The following GRIN2A variants were observed in gnomAD, a reference collection of about 807,000 sequenced individuals.
The protein encoded by GRIN2A is glutamate receptor ionotropic, NMDA 2A.
GRIN2A carries 22 observed loss-of-function variants against 113.4 expected under a neutral mutation model. That is an observed-to-expected ratio of 0.19 (90% CI 0.14 to 0.28). The LOEUF is 0.28. GRIN2A is among the 10% of genes least tolerant of loss of function. The pLI is 1.00. For missense variants in GRIN2A, 1,502 were observed against 1,887.0 expected (o/e 0.80, Z 3.78); for synonymous variants, 827 against 738.4 (o/e 1.12, Z -1.94).
chr16:9,944,766 A>T (rs1178604522), intron 2 of GRIN2A, among the ~76,000 whole-genome samples: 1 of 152,108 alleles, frequency 6.6e-6, no homozygotes, highest in Non-Finnish European at 1.5e-5. Flanking sequence ...CATCCCCCCT[A>T]GAGTGCAAGA....
In GRIN2A at chr16:9,763,734, G is replaced by A. The variant is rs2141129394; in HGVS notation, c.3810C>T (p.Asp1270=). The A allele has an allele frequency of 6.2e-7, 1 of 1,614,144 alleles. No individual in the cohort carries two copies. Among genetic ancestry groups the A allele is most frequent in the Non-Finnish European group, 8.5e-7 (1 of 1,179,998 alleles). The change falls in exon 13 of 13, where the codon GAC becomes GAT. Residue 1270 remains aspartate (D), a synonymous_variant. Coordinates refer to ENST00000330684, the MANE Select transcript of GRIN2A (RefSeq NM_001134407.3). ...PATGEQVYQQ[D]WAQNNALQLQ... ...ATTGAAGGGCATTGTTCTGTGCCCA[G>A]TCCTGCTGGTAGACCTGCTCCCCGG...
intron 2 of GRIN2A, among the ~76,000 whole-genome samples, chr16:10,100,011 A>C (rs923966834): frequency 6.6e-6 from 1 of 152,234 alleles, no homozygotes; most frequent in South Asian, 2.1e-4. Context: ...ATTTAAGTAC[A>C]TGAAAACAAT....
chr16:9,779,102 C>T (rs1445000542), intron 11 of GRIN2A, among the ~76,000 whole-genome samples: 3 of 152,154 alleles, frequency 2.0e-5, no homozygotes, highest in Non-Finnish European at 4.4e-5. Flanking sequence ...GAATAGCGTG[C>T]GGGTCACTTT....
At chr16:10,109,803 T>C (rs925561912) in intron 2 of GRIN2A, among the ~76,000 whole-genome samples, 1 of 152,168 alleles carries the variant, frequency 6.6e-6, no homozygotes, top group Non-Finnish European at 1.5e-5. Context: ...TTTTCCATGA[T>C]GTGATTATTT....
At chr16:10,024,528 A>G (rs2046785022) in intron 2 of GRIN2A, among the ~76,000 whole-genome samples, 1 of 152,218 alleles carries the variant, frequency 6.6e-6, no homozygotes. Context: ...AATGTCACGC[A>G]CAGTTTTAAG....
chr16:10,090,872 A>C (rs1299918113), intron 2 of GRIN2A, among the ~76,000 whole-genome samples: 3 of 152,206 alleles, frequency 2.0e-5, no homozygotes, highest in African/African-American at 7.2e-5. Context: ...AGATGAGCTA[A>C]AAAACTCTAT....
At chr16:10,107,927 G>A (rs2048529550) in intron 2 of GRIN2A, among the ~76,000 whole-genome samples, 1 of 152,208 alleles carries the variant, frequency 6.6e-6, no homozygotes, top group South Asian at 2.1e-4. Flanking sequence ...CTTACCCTCT[G>A]GTGGGGAGAG....
chr16:10,098,679 C>T (rs1293331590), intron 2 of GRIN2A, among the ~76,000 whole-genome samples: 1 of 152,100 alleles, frequency 6.6e-6, no homozygotes, highest in Non-Finnish European at 1.5e-5. Context: ...GAACTGAAGA[C>T]TATTATTCTA....
chr16:10,048,517 C>T (rs184836750), intron 2 of GRIN2A, among the ~76,000 whole-genome samples: 2 of 152,328 alleles, frequency 1.3e-5, no homozygotes, highest in East Asian at 3.9e-4. Context: ...GACATGTTGC[C>T]TGCAAACTGC....
At chr16:10,086,081 C>G (rs1362329269) in intron 2 of GRIN2A, among the ~76,000 whole-genome samples, 1 of 152,176 alleles carries the variant, frequency 6.6e-6, no homozygotes, top group East Asian at 1.9e-4. Flanking sequence ...ATGTCCTGCA[C>G]ACAGTAGGCA....
intron 2 of GRIN2A, among the ~76,000 whole-genome samples, chr16:9,950,384 T>A (rs2045149178): frequency 6.6e-6 from 1 of 152,090 alleles, no homozygotes; most frequent in Non-Finnish European, 1.5e-5. Flanking sequence ...TCATGGTTAC[T>A]TGAGGCCCTA....
At chr16:9,913,515 TTAA>T (rs946430790) in intron 3 of GRIN2A, among the ~76,000 whole-genome samples, 2 of 152,300 alleles carry the variant, frequency 1.3e-5, no homozygotes, top group African/African-American at 4.8e-5. Context: ...ATAGAAATAA[TTAA>T]TAATAATATT....
chr16:9,920,555 A>G (rs1412432186), intron 3 of GRIN2A, among the ~76,000 whole-genome samples: 2 of 147,440 alleles, frequency 1.4e-5, no homozygotes, highest in Non-Finnish European at 3.0e-5. Flanking sequence ...CCCTGCATAT[A>G]TGTGAATTGA....
intron 3 of GRIN2A, among the ~76,000 whole-genome samples, chr16:9,926,250 T>A (rs1335729575): frequency 2.6e-5 from 4 of 152,192 alleles, no homozygotes; most frequent in Non-Finnish European, 5.9e-5. Context: ...CATGAAATGA[T>A]CACTTAGTCG....
intron 2 of GRIN2A, among the ~76,000 whole-genome samples, chr16:10,155,051 G>T (rs2049660992): frequency 6.6e-6 from 1 of 152,144 alleles, no homozygotes; most frequent in Non-Finnish European, 1.5e-5. Context: ...CATGTGCATT[G>T]TAAATATCTG....
chr16:10,007,986 A>G (rs2046435099), intron 2 of GRIN2A, among the ~76,000 whole-genome samples: 1 of 152,170 alleles, frequency 6.6e-6, no homozygotes, highest in South Asian at 2.1e-4. Context: ...AGATACAAGT[A>G]GTATTCTTTT....
intron 2 of GRIN2A, among the ~76,000 whole-genome samples, chr16:10,167,853 T>C (rs1204568419): frequency 6.6e-6 from 1 of 152,128 alleles, no homozygotes; most frequent in African/African-American, 2.4e-5. Flanking sequence ...TGTGGGGGAA[T>C]AGGAGAAGTG....
intron 11 of GRIN2A, among the ~76,000 whole-genome samples, chr16:9,779,219 CA>C (rs1482697085): frequency 6.6e-6 from 1 of 152,188 alleles, no homozygotes; most frequent in Non-Finnish European, 1.5e-5. Flanking sequence ...TATCTCTGGC[CA>C]GGGGCTTCAG....
intron 2 of GRIN2A, among the ~76,000 whole-genome samples, chr16:9,981,353 C>T (rs2045888725): frequency 6.6e-6 from 1 of 152,192 alleles, no homozygotes; most frequent in South Asian, 2.1e-4. Flanking sequence ...CAGAAAGGTT[C>T]ACATAAACTT....
Sources: allele counts gnomAD v4.1 joint callset (sites outside exome capture counted in the v4.1 genomes callset), GRCh38; gene constraint gnomAD v4.1.1; transcripts MANE v1.5; gene names NCBI Gene and HGNC (gene_info 2026-07-23, HGNC 2026-07-21).